Variants in NFATC1 observed in about 807,000 individuals in gnomAD.
The protein encoded by NFATC1 is nuclear factor of activated T-cells, cytoplasmic 1.
Under a neutral mutation model 76.0 loss-of-function variants are expected in NFATC1, and 22 were observed. The observed-to-expected ratio is 0.29, with a 90% CI of 0.21 to 0.41. The LOEUF is 0.41. Ranked by LOEUF, NFATC1 falls within the 10% of genes least tolerant of loss-of-function variation. The pLI is 1.00. For synonymous variants in NFATC1, 704 were observed against 613.1 expected, an observed-to-expected ratio of 1.15 and a Z score of -2.19; for missense variants, 1,357 against 1,337.7, an observed-to-expected ratio of 1.01 and a Z score of -0.23.
intron 8 of NFATC1, among the ~76,000 whole-genome samples, chr18:79,473,809 C>CA (rs2088895292): frequency 6.7e-6 from 1 of 148,606 alleles, no homozygotes; most frequent in Admixed American, 6.7e-5. Context: ...TTCTCACGCT[C>CA]ACTGTTGACG....
intron 9 of NFATC1, 61 bp from the exon 10 acceptor site, chr18:79,527,467 G>T (rs553886772): frequency 7.3e-7 from 1 of 1,366,874 alleles, no homozygotes; most frequent in South Asian, 1.2e-5. Context: ...CAGGGCTGGG[G>T]GCGTTGCTTT....
chr18:79,474,299 C>A (rs1275215869), intron 8 of NFATC1, among the ~76,000 whole-genome samples: 5 of 133,888 alleles, frequency 3.7e-5, no homozygotes, highest in African/African-American at 1.5e-4. Context: ...CGCTCACTGT[C>A]GACATTGTAA....
chr18:79,425,550 C>T (rs2086297794), intron 2 of NFATC1, among the ~76,000 whole-genome samples: 1 of 152,220 alleles, frequency 6.6e-6, no homozygotes, highest in Non-Finnish European at 1.5e-5. Flanking sequence ...GGGCTTTAAC[C>T]CTCGGAAAAT....
chr18:79,517,939 A>G (rs2145200105), intron 9 of NFATC1, among the ~76,000 whole-genome samples: 1 of 152,380 alleles, frequency 6.6e-6, no homozygotes, highest in Non-Finnish European at 1.5e-5. Context: ...TTTTAACTGC[A>G]AGGATTAAAC....
intron 9 of NFATC1, among the ~76,000 whole-genome samples, chr18:79,510,689 G>C (rs957682937): frequency 1.3e-5 from 2 of 152,246 alleles, no homozygotes; most frequent in Non-Finnish European, 2.9e-5. Flanking sequence ...TGCTGGGTTT[G>C]GGAGCGGTCG....
intron 6 of NFATC1, among the ~76,000 whole-genome samples, chr18:79,456,842 G>A (rs900017794): frequency 6.6e-6 from 1 of 152,248 alleles, no homozygotes; most frequent in Non-Finnish European, 1.5e-5. Context: ...GGGGCTGGGT[G>A]AGCAAGGAGG....
intron 6 of NFATC1, among the ~76,000 whole-genome samples, chr18:79,459,509 C>T (rs1045528515): frequency 1.4e-4 from 22 of 152,142 alleles, no homozygotes; most frequent in African/African-American, 5.1e-4. Context: ...ATCCTGGCCC[C>T]GTGTGCGCCT....
chr18:79,490,017 T>G (rs1235570033), intron 9 of NFATC1, among the ~76,000 whole-genome samples: 1 of 152,216 alleles, frequency 6.6e-6, no homozygotes, highest in African/African-American at 2.4e-5. Flanking sequence ...GTGAGGTCCC[T>G]CGATGCTCAG....
At chr18:79,455,726 A>G (rs2087675432) in intron 6 of NFATC1, among the ~76,000 whole-genome samples, 1 of 132,762 alleles carries the variant, frequency 7.5e-6, no homozygotes, top group South Asian at 2.5e-4. Flanking sequence ...ACATGGTGGG[A>G]CCCCAGCTCG....
At chr18:79,405,873 C>T (rs1353419093) in intron 1 of NFATC1, among the ~76,000 whole-genome samples, 1 of 152,232 alleles carries the variant, frequency 6.6e-6, no homozygotes, top group Non-Finnish European at 1.5e-5. Flanking sequence ...TGGGCCTCTG[C>T]ATGCACTTCC....
At position 79,480,145 on chromosome 18, in the gene NFATC1, G is replaced by A. The variant is rs7228321; in HGVS notation, c.2093-6103G>A. On this transcript the variant is annotated intron_variant, in intron 8 of 9. Transcript: ENST00000427363. ...CTCTCCAGACTCACAAGATGCCGTCGTGGGTGGGGCACGTGCGGTGATCCC... is the reference window on the plus strand; with the variant it reads ...CTCTCCAGACTCACAAGATGCCGTCATGGGTGGGGCACGTGCGGTGATCCC... 5.0e-3 allele frequency among the ~76,000 whole-genome samples: 755 copies of A among 152,290 alleles called. 6 individuals are homozygous for A. Among genetic ancestry groups the A allele is most frequent in the African/African-American group, 0.017 (699 of 41,524 alleles).
intron 1 of NFATC1, among the ~76,000 whole-genome samples, chr18:79,408,344 C>T (rs1255548156): frequency 1.3e-5 from 2 of 152,224 alleles, no homozygotes; most frequent in Non-Finnish European, 2.9e-5. Flanking sequence ...GGAATACCCA[C>T]CTCTAGGCAT....
At chr18:79,396,476 T>A (rs1353761628) in intron 1 of NFATC1, 125 bp downstream of exon 1, 6 of 521,612 alleles carry the variant, frequency 1.2e-5, no homozygotes, top group Non-Finnish European at 1.6e-5. Context: ...CGGCCGGGTC[T>A]GTGCGCCCAG....
At chr18:79,520,970 G>GGTGGA (rs2090533899) in intron 9 of NFATC1, among the ~76,000 whole-genome samples, 1 of 104,590 alleles carries the variant, frequency 9.6e-6, no homozygotes, top group Non-Finnish European at 1.9e-5. Context: ...TGTGTGGGGG[G>GGTGGA]GCATCCGCTG....
chr18:79,396,238 G>C lies in NFATC1; in HGVS notation c.14G>C (p.Ser5Thr). 6.7e-7 allele frequency: 1 copy of C among 1,493,442 alleles called. No individual in the cohort carries two copies. Among genetic ancestry groups the C allele is most frequent in the Non-Finnish European group, 9.0e-7 (1 of 1,114,232 alleles). 92.5% of individuals were successfully genotyped at this position (1,493,442 alleles called of 1,614,324 possible). A position where few individuals can be genotyped will look rare whatever the true frequency, so the allele number is the denominator to read the frequency against. The stretch of plus-strand genomic sequence containing the variant: ...GCCGCCGCGCGGATGCCAAGCACCA[G>C]CTTTCCAGTCCCTTCCAAGTTTCCA... MPST[S>T]FPVPSKFPLG... The change falls in exon 1 of 10, where the codon AGC (serine) becomes ACC (threonine). Residue 5 changes from serine to threonine, a missense_variant. By Grantham distance (58) the Ser-to-Thr change is moderately conservative. Coordinates refer to ENST00000427363, the MANE Select transcript of NFATC1 (RefSeq NM_001278669.2).
At chr18:79,481,240 G>A (rs1007500832) in intron 8 of NFATC1, among the ~76,000 whole-genome samples, 1 of 152,248 alleles carries the variant, frequency 6.6e-6, no homozygotes, top group African/African-American at 2.4e-5. Flanking sequence ...CAGTTCCTGA[G>A]GCCCAGCTGC....
intron 9 of NFATC1, among the ~76,000 whole-genome samples, chr18:79,512,102 C>G (rs574719384): frequency 6.6e-6 from 1 of 152,178 alleles, no homozygotes; most frequent in African/African-American, 2.4e-5. Flanking sequence ...ACAGAGAGGC[C>G]CAGGAGGAGC....
intron 9 of NFATC1, among the ~76,000 whole-genome samples, chr18:79,515,639 G>A (rs1208070716): frequency 2.0e-5 from 3 of 151,894 alleles, no homozygotes; most frequent in South Asian, 2.1e-4. Context: ...GAAGGAGGCC[G>A]CCTGATCAGT....
At chr18:79,464,144 C>T (rs972446194) in intron 7 of NFATC1, among the ~76,000 whole-genome samples, 1 of 152,224 alleles carries the variant, frequency 6.6e-6, no homozygotes, top group Non-Finnish European at 1.5e-5. Context: ...GATTGGAGTG[C>T]AGTGGCTCGA....
Sources: gnomAD v4.1 joint callset for allele counts (sites outside exome capture counted in the v4.1 genomes callset) on GRCh38, gnomAD v4.1.1 for gene constraint, MANE v1.5 for transcripts, NCBI Gene and HGNC (gene_info 2026-07-23, HGNC 2026-07-21) for gene names.